SV2B: variants seen among roughly 807,000 people sequenced by gnomAD.
The protein encoded by SV2B is solute carrier family 22 member B2.
In SV2B, 41 loss-of-function variants were observed where a neutral mutation model predicts 73.9. The ratio of observed to expected loss-of-function variants is 0.56; its 90% confidence interval spans 0.43 to 0.72. The LOEUF (loss-of-function observed/expected upper bound fraction) is 0.72, where lower values mean the gene tolerates loss of function less well. Among genes scored for constraint, SV2B ranks in the 30% least tolerant of loss-of-function variants. The pLI, the probability that SV2B is intolerant of heterozygous loss-of-function variation, is 0.00. For synonymous variants in SV2B, 314 were observed against 314.2 expected, an observed-to-expected ratio of 1.00 and a Z score of 0.01; for missense variants, 764 against 857.8, an observed-to-expected ratio of 0.89 and a Z score of 1.37.
chr15:91,230,203 T>A (rs1481926693), intron 2 of SV2B, among the ~76,000 whole-genome samples: 1 of 150,332 alleles, frequency 6.7e-6, no homozygotes, highest in Non-Finnish European at 1.5e-5. Context: ...ATTGTGCCAC[T>A]GTACTCCAGC....
At chr15:91,277,010 C>T (rs549402806) in intron 9 of SV2B, among the ~76,000 whole-genome samples, 37 of 152,028 alleles carry the variant, frequency 2.4e-4, no homozygotes, top group African/African-American at 7.2e-4. Flanking sequence ...TTAGTAGAGA[C>T]GGGGTTTCTC....
At position 91,298,206 on chromosome 15, in the gene SV2B, A is replaced by G. The variant is rs1392903091; in HGVS notation, c.*5654A>G. 6.6e-6 allele frequency: 1 copy of G among 152,212 alleles called. No homozygotes were observed. The highest frequency in any genetic ancestry group is 1.5e-5 in the Non-Finnish European group (1 of 68,044). 9.4% of individuals were successfully genotyped at this position (152,212 alleles called of 1,614,324 possible). ...TTCTCTACATAGATCTCATTCGAAA[A>G]CAAATTTACAGAATGCAGAATGGCT... On this transcript the variant is annotated 3_prime_UTR_variant, in exon 13 of 13. Transcript: ENST00000394232. This position sits in a 1 kb window ranked among gnomAD's most constrained non-coding sequence, Gnocchi z 5.4.
intron 1 of SV2B, among the ~76,000 whole-genome samples, chr15:91,126,860 T>C (rs143768668): frequency 4.0e-4 from 61 of 152,344 alleles, no homozygotes; most frequent in African/African-American, 1.4e-3. Context: ...CTTAACCTGA[T>C]AAAGGACACT....
intron 1 of SV2B, among the ~76,000 whole-genome samples, chr15:91,190,488 C>T (rs547828469): frequency 6.6e-6 from 1 of 152,242 alleles, no homozygotes; most frequent in Non-Finnish European, 1.5e-5. Context: ...AGGATGTTTG[C>T]AGTAGGATTT....
intron 6 of SV2B, among the ~76,000 whole-genome samples, chr15:91,264,034 C>G (rs966069016): frequency 6.6e-6 from 1 of 152,382 alleles, no homozygotes; most frequent in Non-Finnish European, 1.5e-5. Flanking sequence ...AGCAGTCCTG[C>G]TGGATAATTC....
chr15:91,191,324 T>C (rs76930039), intron 1 of SV2B, among the ~76,000 whole-genome samples: 7,826 of 152,144 alleles, frequency 0.051, 690 homozygotes, highest in African/African-American at 0.18. Context: ...TTAGGTCTTG[T>C]CTTTGGCCTG....
rs532095619 is a variant in SV2B at position 91,121,395 on chromosome 15, A to T, written c.-392+21032A>T. 6.6e-6 allele frequency among the ~76,000 whole-genome samples: 1 copy of T among 152,284 alleles called. No homozygotes were observed. Among genetic ancestry groups the T allele is most frequent in the South Asian group, 2.1e-4 (1 of 4,826 alleles). On this transcript the variant is annotated intron_variant, in intron 1 of 12. Coordinates refer to ENST00000394232, the MANE Select transcript of SV2B (RefSeq NM_001323032.3). The surrounding 1 kb of genome is among the most constrained non-coding windows in gnomAD (Gnocchi z 4.4). ...TTTTTTAAAAATAAGCTGCCCAATGATCCTAATGTGCAGCCAAGACCCAGT... is the reference window on the plus strand; with the variant it reads ...TTTTTTAAAAATAAGCTGCCCAATGTTCCTAATGTGCAGCCAAGACCCAGT...
At chr15:91,259,505 T>A (rs1312223997) in intron 5 of SV2B, among the ~76,000 whole-genome samples, 1 of 152,192 alleles carries the variant, frequency 6.6e-6, no homozygotes, top group Non-Finnish European at 1.5e-5. Flanking sequence ...GCACCCTTGG[T>A]TGGATATGAG....
rs2046975312 is a variant in SV2B, at chr15:91,240,708, T to C, written c.452-11111T>C. Among the ~76,000 whole-genome samples, 2 of 152,158 alleles carry C rather than the reference T, an allele frequency of 1.3e-5. No individual in the cohort carries two copies. The highest frequency in any genetic ancestry group is 1.3e-4 in the Admixed American group (2 of 15,284). ...TTTCATTATGCTCTTTATCCCTGTATGTCAATCACCGTGAGAGGTTCATGT... is the reference window on the plus strand; with the variant it reads ...TTTCATTATGCTCTTTATCCCTGTACGTCAATCACCGTGAGAGGTTCATGT... On this transcript the variant is annotated intron_variant, in intron 2 of 12. Coordinates refer to ENST00000394232, the MANE Select transcript of SV2B (RefSeq NM_001323032.3). The surrounding 1 kb of genome is among the most constrained non-coding windows in gnomAD (Gnocchi z 4.6).
At position 91,223,068 on chromosome 15, in the gene SV2B, AAGCCTTAGGCTTGTAGATGGCATTTGTC is replaced by A. The variant is rs1198674527; in HGVS notation, c.-391-2804_-391-2777del. On this transcript the variant is annotated intron_variant, in intron 1 of 12. Transcript: ENST00000394232. The surrounding 1 kb of genome is among the most constrained non-coding windows in gnomAD (Gnocchi z 4.6). ...GAGAGAGAATCTGTTGCAGGTTGGG[AAGCCTTAGGCTTGTAGATGGCATTTGTC>A]TTGGGTCTTCACTTTGTCTTCCTTT... Among the ~76,000 whole-genome samples the A allele has an allele frequency of 4.6e-5, 7 of 152,148 alleles. No individual in the cohort carries two copies. Among genetic ancestry groups the A allele is most frequent in the Non-Finnish European group, 8.8e-5 (6 of 68,032 alleles).
chr15:91,277,835 C>G (rs1390842842), intron 9 of SV2B, among the ~76,000 whole-genome samples: 3 of 152,102 alleles, frequency 2.0e-5, no homozygotes, highest in Non-Finnish European at 4.4e-5. Context: ...ATGTTTATAT[C>G]CTTATTATTT....
In SV2B at chr15:91,292,420, G is replaced by A. The variant is rs2049072955; in HGVS notation, c.1920G>A (p.Leu640=). The A allele has an allele frequency of 6.2e-7, 1 of 1,613,986 alleles. No homozygotes were observed. The highest frequency in any genetic ancestry group is 1.3e-5 in the African/African-American group (1 of 74,914). ...LNGLCKFGAI[L]GNTIFASFVG... ...GATTATGCAAATTTGGCGCCATCCTGGGAAACACCATCTTTGCTTCTTTTG... is the reference window on the plus strand; with the variant it reads ...GATTATGCAAATTTGGCGCCATCCTAGGAAACACCATCTTTGCTTCTTTTG... Residue 640 remains leucine (L), a synonymous_variant, in exon 13 of 13, where the codon CTG becomes CTA. Transcript: ENST00000394232.
Position 91,197,018 on chromosome 15 carries a change from TTTGCTCCTCTG to T in SV2B, c.-391-28847_-391-28837del, listed in dbSNP as rs1183793739. ...TACCCACTTCCAGGGCCACGGGGAT[TTTGCTCCTCTG>T]TTGCTCCGCCTGCCGGCTGTGGCAG... On this transcript the variant is annotated intron_variant, in intron 1 of 12. Coordinates refer to ENST00000394232, the MANE Select transcript of SV2B (RefSeq NM_001323032.3). The surrounding 1 kb of genome is among the most constrained non-coding windows in gnomAD (Gnocchi z 4.9). Among the ~76,000 whole-genome samples the T allele has an allele frequency of 2.6e-5, 4 of 152,246 alleles. No individual in the cohort carries two copies. The East Asian group carries it at 7.7e-4, about 29-fold the overall frequency.
At chr15:91,235,411 T>C (rs1449652686) in intron 2 of SV2B, among the ~76,000 whole-genome samples, 2 of 151,720 alleles carry the variant, frequency 1.3e-5, no homozygotes, top group East Asian at 3.9e-4. Flanking sequence ...TATGAGTAAA[T>C]TCACTTTTCT....
intron 1 of SV2B, among the ~76,000 whole-genome samples, chr15:91,211,102 T>G (rs1280368629): frequency 6.6e-6 from 1 of 152,078 alleles, no homozygotes; most frequent in Non-Finnish European, 1.5e-5. Flanking sequence ...TCAGCAAGGG[T>G]CCTGTATGGC....
Position 91,301,391 on chromosome 15 carries a change from T to C in SV2B, c.*8839T>C, listed in dbSNP as rs2049439645. 6.6e-6 allele frequency: 1 copy of C among 152,254 alleles called. No homozygotes were observed. Among genetic ancestry groups the C allele is most frequent in the South Asian group, 2.1e-4 (1 of 4,834 alleles). The allele number at this position is 152,254 out of a possible 1,614,324, so 9.4% of individuals were successfully genotyped here. ...TTTCCATCTGACTGTCACTGGATAG[T>C]GGAATTGCTCTGATTACCGATGCCT... On this transcript the variant is annotated 3_prime_UTR_variant, in exon 13 of 13. Coordinates refer to ENST00000394232, the MANE Select transcript of SV2B (RefSeq NM_001323032.3). This position sits in a 1 kb window ranked among gnomAD's most constrained non-coding sequence, Gnocchi z 4.3.
chr15:91,109,799 A>G (rs950829401), intron 1 of SV2B, among the ~76,000 whole-genome samples: 5 of 152,066 alleles, frequency 3.3e-5, no homozygotes, highest in Admixed American at 2.0e-4. Context: ...TAGTGGCACA[A>G]TCTTGGTCTC....
chr15:91,207,877 G>A (rs976920848), intron 1 of SV2B, among the ~76,000 whole-genome samples: 4 of 152,158 alleles, frequency 2.6e-5, no homozygotes, highest in Non-Finnish European at 5.9e-5. Flanking sequence ...TCCCTCTCAG[G>A]TATAGGGCAG....
chr15:91,145,717 G>T (rs2043127750), intron 1 of SV2B, among the ~76,000 whole-genome samples: 1 of 152,106 alleles, frequency 6.6e-6, no homozygotes, highest in Non-Finnish European at 1.5e-5. Flanking sequence ...TTGTGGTTTT[G>T]ATTTGTATTT....
Sources: allele counts gnomAD v4.1 joint callset (sites outside exome capture counted in the v4.1 genomes callset), GRCh38; gene constraint gnomAD v4.1.1; non-coding constraint Gnocchi (gnomAD v3.1); transcripts MANE v1.5; gene names NCBI Gene and HGNC (gene_info 2026-07-23, HGNC 2026-07-21).